Variants in DCLK2 observed in about 807,000 individuals in gnomAD.
DCLK2 encodes the protein doublecortin like kinase 2.
DCLK2 carries 31 observed loss-of-function variants against 78.4 expected under a neutral mutation model. The ratio of observed to expected loss-of-function variants is 0.40; its 90% CI spans 0.30 to 0.53. DCLK2 has a LOEUF of 0.53. DCLK2 is among the 20% of genes least tolerant of loss of function. The pLI is 0.61. For synonymous variants in DCLK2, 407 were observed against 374.9 expected (o/e 1.09, Z -0.99); for missense variants, 872 against 973.7 (o/e 0.90, Z 1.39).
chr4:150,185,151 C>T (rs561192531), intron 2 of DCLK2, among the ~76,000 whole-genome samples: 1 of 152,264 alleles, frequency 6.6e-6, no homozygotes, highest in African/African-American at 2.4e-5. Flanking sequence ...CCTCAGGAAA[C>T]TTACAATCAT....
intron 1 of DCLK2, among the ~76,000 whole-genome samples, chr4:150,086,889 T>C (rs1729689721): frequency 6.6e-6 from 1 of 152,232 alleles, no homozygotes; most frequent in African/African-American, 2.4e-5. Context: ...TTTCAGTGTC[T>C]ACAGGAGTTC....
chr4:150,205,830 G>A (rs1739802642), intron 5 of DCLK2, among the ~76,000 whole-genome samples: 1 of 152,172 alleles, frequency 6.6e-6, no homozygotes, highest in Non-Finnish European at 1.5e-5. Context: ...CAGATCTAGG[G>A]TAACCTTTCC....
chr4:150,207,671 A>G, intron 5 of DCLK2, among the ~76,000 whole-genome samples: 1 of 152,222 alleles, frequency 6.6e-6, no homozygotes, highest in South Asian at 2.1e-4. Flanking sequence ...GCAGGTGAGC[A>G]TGTAAGAAAT....
chr4:150,096,041 T>C (rs868721794), intron 1 of DCLK2, among the ~76,000 whole-genome samples: 19 of 152,358 alleles, frequency 1.2e-4, no homozygotes, highest in Middle Eastern at 3.4e-3. Context: ...AAATCAAATA[T>C]ACATTTTTTA....
intron 12 of DCLK2, among the ~76,000 whole-genome samples, chr4:150,246,277 C>T (rs373869226): frequency 4.6e-5 from 7 of 152,134 alleles, no homozygotes; most frequent in African/African-American, 1.2e-4. Flanking sequence ...GAACTCCTGA[C>T]CTCAGGTAAT....
chr4:150,221,729 A>T lies in DCLK2; in HGVS notation c.1185A>T (p.Lys395Asn). 6.2e-7 allele frequency: 1 copy of T among 1,608,144 alleles called. No homozygotes were observed. Among genetic ancestry groups the T allele is most frequent in the Non-Finnish European group, 8.5e-7 (1 of 1,177,884 alleles). The part of the protein sequence containing the change: ...SESSTLLEKY[K>N]IGKVIGDGNF... ...CATCAACTCTTCTTGAGAAATACAA[A>T]ATTGGAAAGGTCATTGGTGATGGCA... The change falls in exon 7 of 16, where the codon AAA becomes AAT. Residue 395 changes from lysine to asparagine, a missense_variant. Around this residue, in one of 3 missense-constraint regions of DCLK2, gnomAD observed 567 missense variants for 593.4 expected, o/e 0.96. Coordinates refer to ENST00000296550, the MANE Select transcript of DCLK2 (RefSeq NM_001040260.4).
chr4:150,238,396 T>C (rs1248300095), intron 10 of DCLK2, among the ~76,000 whole-genome samples: 1 of 152,198 alleles, frequency 6.6e-6, no homozygotes, highest in African/African-American at 2.4e-5. Context: ...AGCGTCCTTA[T>C]ATATAACGTT....
intron 3 of DCLK2, among the ~76,000 whole-genome samples, chr4:150,196,285 C>T (rs1477693890): frequency 6.6e-6 from 1 of 152,112 alleles, no homozygotes; most frequent in African/African-American, 2.4e-5. Flanking sequence ...GTTGTTGGCT[C>T]TTGATATTTA....
chr4:150,222,632 G>A (rs568307096), intron 7 of DCLK2, among the ~76,000 whole-genome samples: 1 of 152,012 alleles, frequency 6.6e-6, no homozygotes, highest in East Asian at 1.9e-4. Context: ...GATTACATGA[G>A]GCCAGGAGTT....
chr4:150,232,571 G>C lies in DCLK2; in HGVS notation c.1420-111G>C, dbSNP rs1379581703. On this transcript the variant is annotated intron_variant, in intron 9 of 15. Coordinates refer to ENST00000296550, the MANE Select transcript of DCLK2 (RefSeq NM_001040260.4). ...ATAACTTTCATTATTTATAATCGCC[G>C]ATTTTAGTGGCACTTGTGTCATTCT... 2.6e-6 allele frequency: 4 copies of C among 1,523,848 alleles called. No homozygotes were observed. In the Admixed American group the frequency reaches 7.2e-5, roughly 27 times the overall value. 94.4% of individuals were successfully genotyped at this position (1,523,848 alleles called of 1,614,324 possible). A position where few individuals can be genotyped will look rare whatever the true frequency, so the allele number is the denominator to read the frequency against.
chr4:150,107,122 G>T (rs1731316984), intron 2 of DCLK2, among the ~76,000 whole-genome samples: 2 of 152,172 alleles, frequency 1.3e-5, no homozygotes, highest in African/African-American at 4.8e-5. Flanking sequence ...GTGCAGGACA[G>T]CCACGACATC....
intron 2 of DCLK2, among the ~76,000 whole-genome samples, chr4:150,115,478 G>A (rs1732009768): frequency 6.6e-6 from 1 of 151,904 alleles, no homozygotes; most frequent in Admixed American, 6.6e-5. Context: ...CCTTTTCATT[G>A]GGTTAGACTA....
intron 2 of DCLK2, among the ~76,000 whole-genome samples, chr4:150,159,460 AC>A (rs1735548193): frequency 6.6e-6 from 1 of 152,094 alleles, no homozygotes; most frequent in Non-Finnish European, 1.5e-5. Flanking sequence ...CCACTTTGAA[AC>A]CTGACACAGT....
chr4:150,129,652 G>C (rs990486163), intron 2 of DCLK2, among the ~76,000 whole-genome samples: 2 of 151,846 alleles, frequency 1.3e-5, no homozygotes, highest in African/African-American at 4.8e-5. Flanking sequence ...CCCAGGAGAC[G>C]GAGGTTGCAG....
At chr4:150,203,911 A>T in intron 5 of DCLK2, 22 bp downstream of exon 5, 1 of 1,578,186 alleles carries the variant, frequency 6.3e-7, no homozygotes, top group Non-Finnish European at 8.7e-7. Context: ...GATATGTGGC[A>T]TATTTGTGTG....
chr4:150,232,676 G>A lies in DCLK2; in HGVS notation c.1420-6G>A, dbSNP rs199604442. The A allele has an allele frequency of 8.1e-5, 130 of 1,613,392 alleles. No individual in the cohort carries two copies. Among genetic ancestry groups the A allele is most frequent in the Admixed American group, 2.2e-4 (13 of 59,970 alleles). ...GCTTTGATATGTTCTTTTATGTATC[G>A]TTTAGGGTGGAGATCTCTTTGATGC... On this transcript the variant is annotated splice_region_variant and splice_polypyrimidine_tract_variant and intron_variant, in intron 9 of 15. Transcript: ENST00000296550.
chr4:150,241,627 A>T (rs1304128791), intron 12 of DCLK2, among the ~76,000 whole-genome samples: 1 of 152,190 alleles, frequency 6.6e-6, no homozygotes, highest in African/African-American at 2.4e-5. Context: ...AGTTTATTTG[A>T]CTAGCCATAA....
At chr4:150,244,837 T>C (rs1392223913) in intron 12 of DCLK2, among the ~76,000 whole-genome samples, 1 of 152,236 alleles carries the variant, frequency 6.6e-6, no homozygotes, top group Non-Finnish European at 1.5e-5. Flanking sequence ...TTTTGTTTGT[T>C]GACTCAGGGT....
chr4:150,150,883 C>A (rs1181837218), intron 2 of DCLK2, among the ~76,000 whole-genome samples: 1 of 152,222 alleles, frequency 6.6e-6, no homozygotes, highest in African/African-American at 2.4e-5. Flanking sequence ...AGGAGGGCAG[C>A]ACTGAAAAGC....
Sources: gnomAD v4.1 joint callset for allele counts (sites outside exome capture counted in the v4.1 genomes callset) on GRCh38, gnomAD v4.1.1 for gene constraint, gnomAD v4.1.1 regional missense constraint, MANE v1.5 for transcripts, NCBI Gene and HGNC (gene_info 2026-07-23, HGNC 2026-07-21) for gene names.